DIP2B: variants seen among roughly 807,000 people sequenced by gnomAD.
DIP2B encodes the protein DIP2 acetate--CoA ligase B (putative).
A neutral mutation model predicts 198.0 loss-of-function variants in DIP2B; 76 were observed. The ratio of observed to expected loss-of-function variants is 0.38; its 90% CI spans 0.32 to 0.46. DIP2B has a LOEUF of 0.46. DIP2B is among the 20% of genes least tolerant of loss of function. The pLI is 0.99. For missense variants in DIP2B, 1,559 were observed against 1,978.4 expected (o/e 0.79, Z 4.02); for synonymous variants, 701 against 739.1 (o/e 0.95, Z 0.84).
At chr12:50,623,010 A>G (rs1019699741) in intron 1 of DIP2B, among the ~76,000 whole-genome samples, 1 of 151,934 alleles carries the variant, frequency 6.6e-6, no homozygotes, top group East Asian at 1.9e-4. Context: ...ATATACACCT[A>G]TGGACCGTTC....
intron 2 of DIP2B, among the ~76,000 whole-genome samples, chr12:50,626,688 A>G (rs2700479): frequency 0.27 from 41,230 of 151,354 alleles, 6,356 homozygotes; most frequent in Non-Finnish European, 0.35. Context: ...CACTTTTACT[A>G]TAGGGTGTTT....
At chr12:50,575,569 T>C (rs996516701) in intron 1 of DIP2B, among the ~76,000 whole-genome samples, 8 of 152,066 alleles carry the variant, frequency 5.3e-5, no homozygotes, top group African/African-American at 1.2e-4. Context: ...TAATTTCTTA[T>C]AGAGACAGAG....
intron 1 of DIP2B, among the ~76,000 whole-genome samples, chr12:50,547,615 T>C (rs1958389018): frequency 6.6e-6 from 1 of 152,204 alleles, no homozygotes; most frequent in Non-Finnish European, 1.5e-5. Context: ...GAAATCTCTG[T>C]ACCTTCTGTT....
intron 3 of DIP2B, among the ~76,000 whole-genome samples, chr12:50,641,594 C>T (rs767978532): frequency 3.9e-5 from 6 of 152,272 alleles, no homozygotes; most frequent in Non-Finnish European, 5.9e-5. Flanking sequence ...AAAGAAAACT[C>T]ACAATGAAAT....
At chr12:50,576,156 G>C (rs1282966980) in intron 1 of DIP2B, among the ~76,000 whole-genome samples, 1 of 148,606 alleles carries the variant, frequency 6.7e-6, no homozygotes, top group Admixed American at 6.7e-5. Context: ...TACAACCTCC[G>C]CCTCCTGGGT....
At chr12:50,653,615 T>A (rs1938501768) in intron 3 of DIP2B, among the ~76,000 whole-genome samples, 1 of 151,970 alleles carries the variant, frequency 6.6e-6, no homozygotes, top group Non-Finnish European at 1.5e-5. Context: ...GTGCTGAGAT[T>A]ACAGGCATGA....
At chr12:50,726,261 CATCCCTGGTTTTG>C (rs1939931617) in intron 28 of DIP2B, among the ~76,000 whole-genome samples, 1 of 152,206 alleles carries the variant, frequency 6.6e-6, no homozygotes, top group Admixed American at 6.5e-5. Context: ...AAATCTTTGA[CATCCCTGGTTTTG>C]GCATACTTAT....
chr12:50,658,126 A>G (rs1470765485), intron 3 of DIP2B, among the ~76,000 whole-genome samples: 1 of 151,674 alleles, frequency 6.6e-6, no homozygotes, highest in Non-Finnish European at 1.5e-5. Context: ...AAAAACAAGA[A>G]TTTCTGGGGT....
At chr12:50,516,936 CAGTG>C (rs1958070997) in intron 1 of DIP2B, among the ~76,000 whole-genome samples, 1 of 152,024 alleles carries the variant, frequency 6.6e-6, no homozygotes, top group African/African-American at 2.4e-5. Flanking sequence ...GCAGGGATCA[CAGTG>C]AGCCAAGATC....
chr12:50,531,065 A>C (rs1422833806), intron 1 of DIP2B, among the ~76,000 whole-genome samples: 2 of 152,202 alleles, frequency 1.3e-5, no homozygotes, highest in Non-Finnish European at 2.9e-5. Context: ...ATATATGTTG[A>C]GATGGAGTCT....
At chr12:50,519,066 T>G (rs928238810) in intron 1 of DIP2B, among the ~76,000 whole-genome samples, 1 of 152,058 alleles carries the variant, frequency 6.6e-6, no homozygotes, top group South Asian at 2.1e-4. Context: ...TTTATTTTTT[T>G]GGGGGGTAGG....
intron 2 of DIP2B, among the ~76,000 whole-genome samples, chr12:50,636,295 C>T (rs1938159015): frequency 6.6e-6 from 1 of 152,164 alleles, no homozygotes; most frequent in South Asian, 2.1e-4. Flanking sequence ...TTATGTGTCT[C>T]ATTTTGATTT....
intron 1 of DIP2B, among the ~76,000 whole-genome samples, chr12:50,567,569 G>A (rs914730721): frequency 1.3e-5 from 2 of 151,804 alleles, no homozygotes; most frequent in Admixed American, 6.6e-5. Flanking sequence ...GCTCTGTCAC[G>A]CAAGCTGGAG....
intron 34 of DIP2B, 105 bp from the exon 35 acceptor site, chr12:50,736,931 C>A: frequency 9.3e-7 from 1 of 1,073,276 alleles, no homozygotes; most frequent in Non-Finnish European, 1.4e-6. Context: ...GCTGGCTCGC[C>A]ATGTGTGCCT....
chr12:50,614,689 C>A (rs1450830328), intron 1 of DIP2B, among the ~76,000 whole-genome samples: 1 of 152,140 alleles, frequency 6.6e-6, no homozygotes. Context: ...TAGTTTGTAA[C>A]AAAATGGGGA....
intron 1 of DIP2B, among the ~76,000 whole-genome samples, chr12:50,560,901 T>G (rs550631907): frequency 1.3e-5 from 2 of 152,364 alleles, no homozygotes; most frequent in Non-Finnish European, 2.9e-5. Flanking sequence ...TCTTTGACAG[T>G]CATCTTAAAC....
At chr12:50,709,218 G>A (rs938876624) in intron 22 of DIP2B, among the ~76,000 whole-genome samples, 13 of 152,190 alleles carry the variant, frequency 8.5e-5, no homozygotes, top group African/African-American at 3.1e-4. Context: ...AAAATTATCT[G>A]TTTTATAGAG....
chr12:50,512,155 GGA>G (rs1282774365), intron 1 of DIP2B, among the ~76,000 whole-genome samples: 4 of 141,134 alleles, frequency 2.8e-5, no homozygotes, highest in Non-Finnish European at 6.0e-5. Context: ...CCCCCAGGCT[GGA>G]GTACAGTGGC....
intron 1 of DIP2B, among the ~76,000 whole-genome samples, chr12:50,593,171 G>A (rs1225414466): frequency 6.6e-6 from 1 of 152,152 alleles, no homozygotes; most frequent in Admixed American, 6.5e-5. Flanking sequence ...TAGACTTAAT[G>A]TCCTGGTTTA....
Sources: gnomAD v4.1 joint callset for allele counts (sites outside exome capture counted in the v4.1 genomes callset) on GRCh38, gnomAD v4.1.1 for gene constraint, MANE v1.5 for transcripts, NCBI Gene and HGNC (gene_info 2026-07-23, HGNC 2026-07-21) for gene names.